ESR2: variants seen among roughly 807,000 people sequenced by gnomAD.
ESR2 encodes the protein estrogen receptor 2.
In ESR2, 36 loss-of-function variants were observed where a neutral mutation model predicts 49.6. The observed-to-expected ratio is 0.73, with a 90% confidence interval of 0.56 to 0.96. ESR2 has a LOEUF of 0.96. Among genes scored for constraint, ESR2 ranks in the 40% least tolerant of loss-of-function variants. ESR2 has a pLI of 0.00. For synonymous variants in ESR2, 320 were observed against 266.1 expected (o/e 1.20, Z -1.97); for missense variants, 714 against 693.0 (o/e 1.03, Z -0.34).
At chr14:64,254,240 T>C (rs974271748) in intron 6 of ESR2, among the ~76,000 whole-genome samples, 1 of 152,180 alleles carries the variant, frequency 6.6e-6, no homozygotes, top group Non-Finnish European at 1.5e-5. Context: ...AAGACAGTTA[T>C]TTTCAAATGG....
chr14:64,234,825 A>G (rs2098730879), intron 8 of ESR2, 145 bp downstream of exon 8: 23 of 1,450,446 alleles, frequency 1.6e-5, no homozygotes, highest in African/African-American at 2.8e-5. Flanking sequence ...CTTTGCTTAC[A>G]GGTGTGTGAA....
At chr14:64,300,844 A>T (rs72722326) in intron 1 of ESR2, among the ~76,000 whole-genome samples, 10,383 of 152,264 alleles carry the variant, frequency 0.068, 424 homozygotes, top group Non-Finnish European at 0.083. Context: ...TCATGCATTT[A>T]TCTCTTTGTG....
At chr14:64,330,288 G>A (rs2077439939) in intron 1 of ESR2, 1 of 152,442 alleles carries the variant, frequency 6.6e-6, no homozygotes, top group South Asian at 2.1e-4. Flanking sequence ...AAGTAGCCAG[G>A]CGTGGTGGCA....
At chr14:64,234,169 C>G (rs1221483482) in intron 8 of ESR2, 1 of 152,278 alleles carries the variant, frequency 6.6e-6, no homozygotes, top group Non-Finnish European at 1.5e-5. Flanking sequence ...CTGCAAATGG[C>G]TATGTGCTGA....
Position 64,229,138 on chromosome 14 carries a change from CT to C in ESR2, c.*3998del, listed in dbSNP as rs1204478142. 6.6e-6 allele frequency among the ~76,000 whole-genome samples: 1 copy of C among 152,138 alleles called. No homozygotes were observed. Among genetic ancestry groups the C allele is most frequent in the African/African-American group, 2.4e-5 (1 of 41,428 alleles). On this transcript the variant is annotated 3_prime_UTR_variant, in exon 9 of 9. Coordinates refer to ENST00000341099, the MANE Select transcript of ESR2 (RefSeq NM_001437.3). ...ACAATGGGAATAACAGATTATGCAT[CT>C]TATTTTTCCATCTGTCATTGCTGCT...
At chr14:64,278,439 T>A (rs2076600006) in intron 3 of ESR2, among the ~76,000 whole-genome samples, 1 of 152,198 alleles carries the variant, frequency 6.6e-6, no homozygotes, top group Admixed American at 6.5e-5. Context: ...TTTCTCTGCT[T>A]AAGGTAAAAC....
rs537156465 is a variant in ESR2, at chr14:64,303,831, T to C, written c.-90-20756A>G. 2.1e-3 allele frequency among the ~76,000 whole-genome samples: 322 copies of C among 152,258 alleles called. 1 individual carries two copies. Among genetic ancestry groups the C allele is most frequent in the African/African-American group, 7.4e-3 (307 of 41,548 alleles). Reference sequence around the variant, plus strand: ...GCTTACTATGTGCCAGATATTGAGGTATAAAGATAAAAAAATGAGAAAAGT... The same window carrying C: ...GCTTACTATGTGCCAGATATTGAGGCATAAAGATAAAAAAATGAGAAAAGT... On this transcript the variant is annotated intron_variant, in intron 1 of 8. Transcript: ENST00000358599.
intron 8 of ESR2, chr14:64,233,559 CAT>C (rs1171374205): frequency 7.7e-6 from 4 of 521,162 alleles, no homozygotes; most frequent in African/African-American, 5.7e-5. Flanking sequence ...TGGCCTGACA[CAT>C]AGGACAATCA....
chr14:64,275,571 T>C (rs973742603), intron 3 of ESR2, among the ~76,000 whole-genome samples: 10 of 152,002 alleles, frequency 6.6e-5, no homozygotes, highest in African/African-American at 2.4e-4. Context: ...GGCGTGGTGG[T>C]GGGTGTCTGT....
chr14:64,334,593 CAAGAAGAGGAGA>C (rs1169575554), intron 1 of ESR2, among the ~76,000 whole-genome samples: 3 of 152,234 alleles, frequency 2.0e-5, no homozygotes, highest in African/African-American at 7.2e-5. Flanking sequence ...AGCCTACATT[CAAGAAGAGGAGA>C]ATTAGCCACC....
At chr14:64,235,221 C>T (rs909617017) in intron 7 of ESR2, 71 bp from the exon 8 acceptor site, 18 of 1,516,240 alleles carry the variant, frequency 1.2e-5, no homozygotes, top group Admixed American at 6.9e-5. Flanking sequence ...TCAGCTGTTC[C>T]GTGCGCCTGC....
chr14:64,260,886 C>T (rs2076207237), intron 4 of ESR2, 138 bp from the exon 5 acceptor site: 10 of 687,080 alleles, frequency 1.5e-5, no homozygotes, highest in Non-Finnish European at 2.1e-5. Flanking sequence ...GCAAAACCAA[C>T]GACATAACTT....
At chr14:64,287,834 G>A (rs2076806383) in intron 1 of ESR2, among the ~76,000 whole-genome samples, 1 of 152,148 alleles carries the variant, frequency 6.6e-6, no homozygotes, top group Non-Finnish European at 1.5e-5. Context: ...TAACATTGTA[G>A]GGCAGAGTTT....
chr14:64,318,205 T>C (rs1200404807), intron 1 of ESR2, among the ~76,000 whole-genome samples: 1 of 152,106 alleles, frequency 6.6e-6, no homozygotes, highest in East Asian at 1.9e-4. Context: ...ATATACCAAA[T>C]ATGAACAATT....
At chr14:64,279,534 T>C (rs2076623194) in intron 3 of ESR2, among the ~76,000 whole-genome samples, 1 of 152,216 alleles carries the variant, frequency 6.6e-6, no homozygotes, top group Non-Finnish European at 1.5e-5. Context: ...CCACTGTAGC[T>C]GAATTCCTGA....
rs559087939 is a variant in ESR2 at position 64,260,513 on chromosome 14, C to T, written c.888G>A (p.Met296Ile). The T allele has an allele frequency of 1.9e-4, 301 of 1,547,376 alleles. 13 individuals are homozygous for T. In the South Asian group the frequency reaches 3.2e-3, roughly 17 times the overall value. The change falls in exon 5 of 9, where the codon ATG (methionine) becomes ATA (isoleucine). Residue 296 changes from methionine to isoleucine, a missense_variant. Transcript: ENST00000341099. ...SAPFTEASMM[M>I]SLTKLADKEL... ...CCTTGTCGGCCAACTTGGTCAGGGACATCATCATGGAGGCCTCGGTGAAGG... is the reference window on the plus strand; with the variant it reads ...CCTTGTCGGCCAACTTGGTCAGGGATATCATCATGGAGGCCTCGGTGAAGG...
intron 1 of ESR2, among the ~76,000 whole-genome samples, chr14:64,287,129 A>G: frequency 6.6e-6 from 1 of 152,128 alleles, no homozygotes; most frequent in African/African-American, 2.4e-5. Context: ...GGATATTCAC[A>G]TTATTGTGCA....
In ESR2 at chr14:64,277,625, CAAAAA is replaced by C. The variant is rs55742946; in HGVS notation, c.535+2351_535+2355del. On this transcript the variant is annotated intron_variant, in intron 3 of 8. Coordinates refer to ENST00000341099, the MANE Select transcript of ESR2 (RefSeq NM_001437.3). ...GGGTGACAGAATGAGACTCCATCTCCAAAAAAAAAAAAAAAAAAAAAAAAGTTACA... is the reference window on the plus strand; with the variant it reads ...GGGTGACAGAATGAGACTCCATCTCCAAAAAAAAAAAAAAAAAAAGTTACA... 4.9e-3 allele frequency among the ~76,000 whole-genome samples: 450 copies of C among 92,290 alleles called. 4 individuals carry two copies. The highest frequency in any genetic ancestry group is 0.014 in the African/African-American group (355 of 25,150). The allele number at this position is 92,290 out of a possible 152,430, so 60.5% of individuals were successfully genotyped here.
chr14:64,228,372 A>C lies in ESR2; in HGVS notation c.*4765T>G, dbSNP rs2098724286. On this transcript the variant is annotated 3_prime_UTR_variant, in exon 9 of 9. Transcript: ENST00000341099. ...TTTATATCATGTTAAACTCTCTACG[A>C]CAGTGCCATAGACATTAAAGGGACA... 6.6e-6 allele frequency among the ~76,000 whole-genome samples: 1 copy of C among 152,246 alleles called. No homozygotes were observed. The highest frequency in any genetic ancestry group is 1.5e-5 in the Non-Finnish European group (1 of 68,046).
Sources: gnomAD v4.1 joint callset for allele counts (sites outside exome capture counted in the v4.1 genomes callset) on GRCh38, gnomAD v4.1.1 for gene constraint, MANE v1.5 for transcripts, NCBI Gene and HGNC (gene_info 2026-07-23, HGNC 2026-07-21) for gene names.